Variants in SLC30A8 observed in about 807,000 individuals in gnomAD.
SLC30A8 encodes the protein solute carrier family 30 member 8, also known as proton-coupled zinc antiporter SLC30A8.
Under a neutral mutation model 36.9 loss-of-function variants are expected in SLC30A8, and 27 were observed. The observed-to-expected ratio is 0.73, with a 90% CI of 0.54 to 1.01. SLC30A8 has a LOEUF of 1.01. Among genes scored for constraint, SLC30A8 ranks in the 50% least tolerant of loss-of-function variants. SLC30A8 has a pLI of 0.00. For synonymous variants in SLC30A8, 164 were observed against 172.4 expected (o/e 0.95, Z 0.38); for missense variants, 439 against 452.0 (o/e 0.97, Z 0.26).
At chr8:117,053,566 C>G (rs1185625261) in intron 2 of SLC30A8, among the ~76,000 whole-genome samples, 1 of 152,124 alleles carries the variant, frequency 6.6e-6, no homozygotes, top group African/African-American at 2.4e-5. Flanking sequence ...ATAGGAATGT[C>G]TATTATAATA....
chr8:116,972,954 T>C (rs1249692907), intron 1 of SLC30A8, among the ~76,000 whole-genome samples: 1 of 152,202 alleles, frequency 6.6e-6, no homozygotes, highest in East Asian at 1.9e-4. Context: ...AAAATTCATT[T>C]GTTGAAACCA....
chr8:117,082,929 G>T (rs566901915), intron 2 of SLC30A8, among the ~76,000 whole-genome samples: 19 of 152,260 alleles, frequency 1.2e-4, no homozygotes, highest in African/African-American at 4.3e-4. Flanking sequence ...AAAGCAGGCA[G>T]AAACCAGACA....
intron 1 of SLC30A8, among the ~76,000 whole-genome samples, chr8:116,994,091 G>C (rs941384066): frequency 2.0e-5 from 3 of 151,704 alleles, no homozygotes; most frequent in African/African-American, 7.3e-5. Flanking sequence ...GGCTCAGATA[G>C]CTTCACTGGT....
At chr8:116,952,206 T>C (rs1814017141) in intron 1 of SLC30A8, among the ~76,000 whole-genome samples, 2 of 152,034 alleles carry the variant, frequency 1.3e-5, no homozygotes, top group Non-Finnish European at 1.5e-5. Context: ...TGTTAAGAAG[T>C]GTGGCTGAAG....
Position 117,106,676 on chromosome 8 carries a change from C to T in SLC30A8, c.-225-28604C>T, listed in dbSNP as rs566578897. On this transcript the variant is annotated intron_variant, in intron 2 of 10. Coordinates refer to the SLC30A8 transcript ENST00000427715. ...ATTTCCCTACCCTGTTCTATGTCCC[C>T]ATCTAATTAGACCATTTGATTTTCC... Among the ~76,000 whole-genome samples, 19 of 152,272 alleles carry T rather than the reference C, an allele frequency of 1.2e-4. No individual in the cohort carries two copies. In the East Asian group the frequency reaches 3.7e-3, roughly 29 times the overall value.
chr8:117,133,698 G>A (rs921125982), upstream of SLC30A8, among the ~76,000 whole-genome samples: 1 of 152,030 alleles, frequency 6.6e-6, no homozygotes, highest in East Asian at 1.9e-4. Context: ...ACATATGGCA[G>A]TGTGTCACAC....
chr8:116,987,534 A>T (rs1215236952), intron 1 of SLC30A8, among the ~76,000 whole-genome samples: 2 of 152,016 alleles, frequency 1.3e-5, no homozygotes, highest in Non-Finnish European at 2.9e-5. Context: ...AAGTCTCTAT[A>T]TTCTTCTTTC....
In SLC30A8 at chr8:117,167,504, T is replaced by TATATATATATATATATATATATATAC. The variant is rs1491223080; in HGVS notation, c.830-3530_830-3529insATATATATATATATATATATATATAC. On this transcript the variant is annotated intron_variant, in intron 6 of 7. Coordinates refer to ENST00000456015, the MANE Select transcript of SLC30A8 (RefSeq NM_173851.3). ...GCATATATATATATACATACATACA[T>TATATATATATATATATATATATATAC]GTATATGTATATGTGTATGTGATGT... Among the ~76,000 whole-genome samples, 29 of 142,236 alleles carry TATATATATATATATATATATATATAC rather than the reference T, an allele frequency of 2.0e-4. 1 individual carries two copies. The highest frequency in any genetic ancestry group is 6.4e-4 in the East Asian group (3 of 4,654). 93.3% of individuals were successfully genotyped at this position (142,236 alleles called of 152,430 possible). A position where few individuals can be genotyped will look rare whatever the true frequency, so the allele number is the denominator to read the frequency against.
chr8:117,022,713 T>A (rs1241348835), intron 1 of SLC30A8, among the ~76,000 whole-genome samples: 2 of 152,198 alleles, frequency 1.3e-5, no homozygotes, highest in African/African-American at 4.8e-5. Flanking sequence ...TTACACTTTA[T>A]ACAAAAATTA....
At chr8:117,022,955 G>T (rs147404790) in intron 1 of SLC30A8, among the ~76,000 whole-genome samples, 1,544 of 152,088 alleles carry the variant, frequency 0.01, 23 homozygotes, top group African/African-American at 0.034. Context: ...TAGAATGGGA[G>T]AAAATTTTTG....
At chr8:117,088,119 G>A (rs1818953806) in intron 2 of SLC30A8, among the ~76,000 whole-genome samples, 1 of 152,008 alleles carries the variant, frequency 6.6e-6, no homozygotes, top group Non-Finnish European at 1.5e-5. Flanking sequence ...AACAAACAGA[G>A]AGAATGCATA....
intron 2 of SLC30A8, among the ~76,000 whole-genome samples, chr8:117,116,002 G>A (rs2130888664): frequency 6.6e-6 from 1 of 152,150 alleles, no homozygotes; most frequent in East Asian, 1.9e-4. Context: ...GTGGCTTAAG[G>A]AGGGTTAGTA....
intron 1 of SLC30A8, among the ~76,000 whole-genome samples, chr8:117,004,642 A>G (rs1816115698): frequency 6.6e-6 from 1 of 152,184 alleles, no homozygotes; most frequent in African/African-American, 2.4e-5. Context: ...TCAATCAATG[A>G]AAGATTAGAT....
intron 4 of SLC30A8, among the ~76,000 whole-genome samples, chr8:117,159,703 A>ATTGCTG (rs1822679221): frequency 1.3e-5 from 2 of 152,222 alleles, no homozygotes; most frequent in Non-Finnish European, 2.9e-5. Flanking sequence ...ACGGGTCAAT[A>ATTGCTG]AAGTCCGCTT....
chr8:117,093,486 T>G (rs1270558257), intron 2 of SLC30A8, among the ~76,000 whole-genome samples: 2 of 151,968 alleles, frequency 1.3e-5, no homozygotes, highest in Non-Finnish European at 1.5e-5. Flanking sequence ...CTGCCACTAC[T>G]CCACACCAAA....
intron 1 of SLC30A8, among the ~76,000 whole-genome samples, chr8:117,027,324 C>T: frequency 6.6e-6 from 1 of 152,114 alleles, no homozygotes; most frequent in East Asian, 1.9e-4. Context: ...CAGGTTCTTC[C>T]AAGTGAAACT....
intron 3 of SLC30A8, among the ~76,000 whole-genome samples, chr8:117,153,807 G>T (rs575872863): frequency 3.3e-5 from 5 of 151,676 alleles, no homozygotes; most frequent in African/African-American, 1.2e-4. Flanking sequence ...AAGCAAACAC[G>T]TGCTGAAACA....
intron 1 of SLC30A8, among the ~76,000 whole-genome samples, chr8:116,960,494 T>G (rs555019268): frequency 6.6e-6 from 1 of 152,358 alleles, no homozygotes; most frequent in African/African-American, 2.4e-5. Context: ...TTCATTACTC[T>G]CATTGCCTTT....
intron 4 of SLC30A8, among the ~76,000 whole-genome samples, chr8:117,159,017 A>G (rs1822643615): frequency 6.6e-6 from 1 of 152,230 alleles, no homozygotes; most frequent in Admixed American, 6.5e-5. Flanking sequence ...GAGATCAGAG[A>G]GGAGAGAAGA....
Sources: gnomAD v4.1 joint callset for allele counts (sites outside exome capture counted in the v4.1 genomes callset) on GRCh38, gnomAD v4.1.1 for gene constraint, MANE v1.5 for transcripts, NCBI Gene and HGNC (gene_info 2026-07-23, HGNC 2026-07-21) for gene names.